The following UBE2D2 variants were observed in gnomAD, a reference collection of about 807,000 sequenced individuals.
UBE2D2 encodes the protein ubiquitin-conjugating enzyme E2 D2.
In UBE2D2, 2 loss-of-function variants were observed where a neutral mutation model predicts 24.2. The observed-to-expected ratio is 0.08, with a 90% confidence interval of 0.03 to 0.26. The LOEUF is 0.26. Ranked by LOEUF, UBE2D2 falls within the 10% of genes least tolerant of loss-of-function variation. UBE2D2 has a pLI of 1.00. For missense variants in UBE2D2, 44 were observed against 177.6 expected (o/e 0.25, Z 4.28); for synonymous variants, 58 against 56.5 (o/e 1.03, Z -0.12).
At chr5:139,561,313 C>G (rs1465252634), upstream of UBE2D2, 1 of 153,428 alleles carries the variant, frequency 6.5e-6, no homozygotes, top group African/African-American at 2.4e-5. Context: ...ACCTGCCCCT[C>G]GGTCGGGCCC....
At chr5:139,562,722 A>AT (rs1187909515) in intron 1 of UBE2D2, among the ~76,000 whole-genome samples, 1 of 152,196 alleles carries the variant, frequency 6.6e-6, no homozygotes, top group African/African-American at 2.4e-5. Flanking sequence ...GTGAAGGGTT[A>AT]TTTAGTTATC....
intron 1 of UBE2D2, among the ~76,000 whole-genome samples, chr5:139,545,152 C>G (rs893221410): frequency 6.6e-6 from 1 of 152,082 alleles, no homozygotes; most frequent in Admixed American, 6.6e-5. Context: ...CTAACTCACG[C>G]TTTTTATGGT....
intron 1 of UBE2D2, among the ~76,000 whole-genome samples, chr5:139,595,362 A>G (rs141801709): frequency 1.2e-4 from 18 of 152,044 alleles, no homozygotes; most frequent in Non-Finnish European, 2.4e-4. Context: ...CACTATTTAG[A>G]TTACACCCCA....
chr5:139,623,283 A>G (rs1451128750), intron 5 of UBE2D2, 85 bp from the exon 6 acceptor site: 11 of 915,882 alleles, frequency 1.2e-5, no homozygotes, highest in East Asian at 2.5e-5. Context: ...AAATTCTTAG[A>G]ATTTTCTCAT....
At chr5:139,556,879 G>C (rs1412522675), upstream of UBE2D2, among the ~76,000 whole-genome samples, 2 of 151,062 alleles carry the variant, frequency 1.3e-5, no homozygotes, top group African/African-American at 4.9e-5. Context: ...TTGTCGCCCA[G>C]GCTGGAGTGC....
Position 139,561,512 on chromosome 5 carries a change from ATCCTG to A in UBE2D2, c.-279_-275del. The A allele has an allele frequency of 2.5e-6, 1 of 404,680 alleles. No homozygotes were observed. The highest frequency in any genetic ancestry group is 4.4e-6 in the Non-Finnish European group (1 of 228,430). The allele number at this position is 404,680 out of a possible 1,614,324, so 25.1% of individuals were successfully genotyped here. ...TGCGGCGGTTTAGGAGGCGGCGCTG[ATCCTG>A]GGAGGAAGAGGCAGCTACGGCGGCG... On this transcript the variant is annotated 5_prime_UTR_variant, in exon 1 of 7. Transcript: ENST00000398733.
chr5:139,564,535 C>G (rs1233660638), intron 1 of UBE2D2, among the ~76,000 whole-genome samples: 3 of 151,974 alleles, frequency 2.0e-5, no homozygotes, highest in East Asian at 3.9e-4. Context: ...CTCACTGCAA[C>G]TTCCGCTTCC....
chr5:139,613,598 T>C (rs1470999063), intron 2 of UBE2D2, among the ~76,000 whole-genome samples: 2 of 152,190 alleles, frequency 1.3e-5, no homozygotes, highest in African/African-American at 4.8e-5. Context: ...ATTTTACTCC[T>C]TTTTTCTCTT....
At chr5:139,621,011 G>A (rs1413670509) in intron 5 of UBE2D2, among the ~76,000 whole-genome samples, 1 of 152,230 alleles carries the variant, frequency 6.6e-6, no homozygotes, top group Non-Finnish European at 1.5e-5. Flanking sequence ...TCGGGAGGCC[G>A]AGGCAGGTGG....
chr5:139,600,470 T>C (rs1754047728), intron 2 of UBE2D2, 35 bp downstream of exon 2: 1 of 1,603,492 alleles, frequency 6.2e-7, no homozygotes, highest in East Asian at 2.2e-5. Flanking sequence ...AGTAATAGCA[T>C]AACAGTGGTT....
intron 5 of UBE2D2, among the ~76,000 whole-genome samples, chr5:139,615,997 A>G (rs1342323920): frequency 1.3e-5 from 2 of 150,770 alleles, no homozygotes; most frequent in East Asian, 4.0e-4. Flanking sequence ...CACCACGCCT[A>G]GCTAATTTTT....
chr5:139,567,981 G>C (rs1223612797), intron 1 of UBE2D2, among the ~76,000 whole-genome samples: 1 of 152,200 alleles, frequency 6.6e-6, no homozygotes, highest in East Asian at 1.9e-4. Flanking sequence ...AAATGTCTGA[G>C]ATTGGGAAGT....
intron 1 of UBE2D2, among the ~76,000 whole-genome samples, chr5:139,538,987 T>A (rs1250787912): frequency 6.6e-6 from 1 of 152,084 alleles, no homozygotes; most frequent in Non-Finnish European, 1.5e-5. Context: ...ACGCACACAA[T>A]TTAGATGGAT....
At chr5:139,534,139 A>C (rs936935791) in intron 1 of UBE2D2, among the ~76,000 whole-genome samples, 2 of 151,812 alleles carry the variant, frequency 1.3e-5, no homozygotes, top group Admixed American at 1.3e-4. Context: ...TCACTTCTGG[A>C]AATTTATTAC....
intron 1 of UBE2D2, among the ~76,000 whole-genome samples, chr5:139,587,967 G>A (rs1224654996): frequency 2.0e-5 from 3 of 152,018 alleles, no homozygotes; most frequent in South Asian, 4.1e-4. Context: ...AGGTGGACGC[G>A]GTCACCTTCC....
intron 2 of UBE2D2, among the ~76,000 whole-genome samples, chr5:139,607,307 T>G (rs1039747972): frequency 6.6e-6 from 1 of 152,244 alleles, no homozygotes; most frequent in Non-Finnish European, 1.5e-5. Flanking sequence ...GGTAGGTCTT[T>G]AAATGCTTTA....
chr5:139,550,850 G>A (rs1417784829), intron 1 of UBE2D2, among the ~76,000 whole-genome samples: 1 of 152,130 alleles, frequency 6.6e-6, no homozygotes, highest in Admixed American at 6.6e-5. Context: ...ACATCAGAAA[G>A]AACAAACTCC....
chr5:139,592,877 A>G (rs1028057769), intron 1 of UBE2D2, among the ~76,000 whole-genome samples: 1 of 151,980 alleles, frequency 6.6e-6, no homozygotes, highest in African/African-American at 2.4e-5. Flanking sequence ...TGCTGGGATT[A>G]CAGGCATGAG....
chr5:139,566,264 C>G (rs1260125705), intron 1 of UBE2D2, among the ~76,000 whole-genome samples: 2 of 152,072 alleles, frequency 1.3e-5, no homozygotes, highest in Admixed American at 6.6e-5. Context: ...GGAGATCCGT[C>G]CGTCTCGGCC....
Sources: allele counts gnomAD v4.1 joint callset (sites outside exome capture counted in the v4.1 genomes callset), GRCh38; gene constraint gnomAD v4.1.1; transcripts MANE v1.5; gene names NCBI Gene and HGNC (gene_info 2026-07-23, HGNC 2026-07-21).